The following HERC4 variants were observed in gnomAD, a reference collection of about 807,000 sequenced individuals.
HERC4 encodes the protein probable E3 ubiquitin-protein ligase HERC4.
In HERC4, 28 loss-of-function variants were observed where a neutral mutation model predicts 124.3. That is an observed-to-expected ratio of 0.23 (90% confidence interval 0.17 to 0.31). HERC4 has a LOEUF of 0.31. Ranked by LOEUF, HERC4 falls within the 10% of genes least tolerant of loss-of-function variation. The pLI is 1.00. For missense variants in HERC4, 713 were observed against 1,229.3 expected (o/e 0.58, Z 6.28); for synonymous variants, 407 against 421.5 (o/e 0.97, Z 0.42).
chr10:68,053,918 T>C (rs2040431052), intron 3 of HERC4, among the ~76,000 whole-genome samples: 1 of 152,200 alleles, frequency 6.6e-6, no homozygotes, highest in African/African-American at 2.4e-5. Flanking sequence ...ATATCCACAC[T>C]GAAAAATTTT....
intron 16 of HERC4, 54 bp downstream of exon 16, chr10:67,966,629 T>C: frequency 6.5e-7 from 1 of 1,528,164 alleles, no homozygotes; most frequent in Non-Finnish European, 8.8e-7. Flanking sequence ...TGTTTCTTTT[T>C]TTATTAGATA....
intron 9 of HERC4, among the ~76,000 whole-genome samples, chr10:67,996,729 A>G (rs559807041): frequency 6.6e-6 from 1 of 152,282 alleles, no homozygotes. Flanking sequence ...TCACACTTGT[A>G]ATCTCAGCAC....
At chr10:67,935,483 A>G (rs1291278115) in intron 22 of HERC4, among the ~76,000 whole-genome samples, 14 of 152,160 alleles carry the variant, frequency 9.2e-5, no homozygotes. Context: ...GTTTCCCCAG[A>G]AAAGGATCTT....
chr10:68,010,945 G>A, intron 9 of HERC4: 1 of 1,074,410 alleles, frequency 9.3e-7, no homozygotes, highest in African/African-American at 1.6e-5. Flanking sequence ...TTTAGTTCTA[G>A]TTCTCTTGTT....
At chr10:67,998,479 G>A (rs1353521139) in intron 9 of HERC4, among the ~76,000 whole-genome samples, 5 of 149,744 alleles carry the variant, frequency 3.3e-5, no homozygotes, top group Admixed American at 2.0e-4. Flanking sequence ...TCCAGGAGGC[G>A]GAGGCTGCAG....
At chr10:67,923,241 C>T (rs1385101508) in intron 24 of HERC4, 102 bp from the exon 25 acceptor site, 1 of 832,034 alleles carries the variant, frequency 1.2e-6, no homozygotes, top group East Asian at 2.5e-5. Flanking sequence ...ACTTTAACAT[C>T]TGCTCTAACG....
chr10:68,010,627 G>C, intron 9 of HERC4: 2 of 1,416,062 alleles, frequency 1.4e-6, no homozygotes, highest in Admixed American at 1.9e-5. Context: ...CATATCTCCT[G>C]AATATTTTCA....
intron 3 of HERC4, among the ~76,000 whole-genome samples, chr10:68,054,875 C>G (rs2040475840): frequency 6.6e-6 from 1 of 152,042 alleles, no homozygotes; most frequent in African/African-American, 2.4e-5. Flanking sequence ...TTAAATAAAA[C>G]AAAGTGCAAC....
intron 3 of HERC4, among the ~76,000 whole-genome samples, chr10:68,067,525 C>A (rs1371523535): frequency 6.6e-6 from 1 of 152,162 alleles, no homozygotes; most frequent in Non-Finnish European, 1.5e-5. Flanking sequence ...TTTTAACCCA[C>A]CCTTAAGTGA....
intron 15 of HERC4, among the ~76,000 whole-genome samples, chr10:67,984,233 T>C (rs926095455): frequency 2.0e-5 from 3 of 146,720 alleles, no homozygotes; most frequent in East Asian, 2.0e-4. Context: ...ACCTAAGAGG[T>C]AGAGGCTGCA....
intron 3 of HERC4, among the ~76,000 whole-genome samples, chr10:68,051,472 G>A (rs1334529236): frequency 6.7e-6 from 1 of 150,026 alleles, no homozygotes; most frequent in Non-Finnish European, 1.5e-5. Context: ...AGCCTCCTGA[G>A]TAGCTGGGAC....
intron 4 of HERC4, among the ~76,000 whole-genome samples, chr10:68,041,778 A>G (rs1242748749): frequency 6.6e-6 from 1 of 152,202 alleles, no homozygotes; most frequent in Non-Finnish European, 1.5e-5. Flanking sequence ...TTCTATATTA[A>G]CATCTAGCCA....
intron 3 of HERC4, among the ~76,000 whole-genome samples, chr10:68,057,272 ATG>A (rs2040595931): frequency 6.6e-6 from 1 of 152,186 alleles, no homozygotes; most frequent in African/African-American, 2.4e-5. Flanking sequence ...GTACAGAAGT[ATG>A]ATCAAACCAT....
In HERC4 at chr10:68,032,889, A is replaced by T; in HGVS notation, c.686-20T>A. ...ACCTATCTGAAAATTCCAACAAGAG[A>T]TGTTAATAGTATTTTAAAAATCAAA... On this transcript the variant is annotated intron_variant, in intron 6 of 24. Transcript: ENST00000373700. 8.2e-7 allele frequency: 1 copy of T among 1,219,398 alleles called. No homozygotes were observed. The highest frequency in any genetic ancestry group is 1.2e-6 in the Non-Finnish European group (1 of 820,764). The allele number at this position is 1,219,398 out of a possible 1,614,324, so 75.5% of individuals were successfully genotyped here.
At chr10:68,032,986 T>A in intron 6 of HERC4, 117 bp from the exon 7 acceptor site, 2 of 629,212 alleles carry the variant, frequency 3.2e-6, no homozygotes, top group Middle Eastern at 2.9e-4. Flanking sequence ...ATTTTAACTA[T>A]GATTCGATGA....
At chr10:68,069,632 T>A in intron 3 of HERC4, 1 of 985,028 alleles carries the variant, frequency 1.0e-6, no homozygotes, top group Non-Finnish European at 1.2e-6. Flanking sequence ...TAAGGCTACC[T>A]CTTTCTCCTT....
intron 15 of HERC4, among the ~76,000 whole-genome samples, chr10:67,975,018 G>A (rs892945845): frequency 5.3e-5 from 8 of 152,082 alleles, no homozygotes; most frequent in Admixed American, 1.3e-4. Flanking sequence ...GTGAAACCCC[G>A]TCTCTACTAA....
At position 68,031,371 on chromosome 10, in the gene HERC4, A is replaced by T. The variant is rs1178236022; in HGVS notation, c.777+1407T>A. On this transcript the variant is annotated intron_variant, in intron 7 of 24. Transcript: ENST00000373700. ...TGATAAATTTCTTCCAAATACCAAT[A>T]ACGAAAAAGGACGAGTAAAATTTAA... 2.6e-5 allele frequency among the ~76,000 whole-genome samples: 4 copies of T among 152,310 alleles called. No individual in the cohort carries two copies. In the East Asian group the frequency reaches 5.8e-4, roughly 22 times the overall value.
chr10:68,056,027 C>T (rs1311740720), intron 3 of HERC4, among the ~76,000 whole-genome samples: 2 of 152,042 alleles, frequency 1.3e-5, no homozygotes, highest in East Asian at 1.9e-4. Context: ...GGATTACAAG[C>T]GTAAGCCACC....
Sources: gnomAD v4.1 joint callset for allele counts (sites outside exome capture counted in the v4.1 genomes callset) on GRCh38, gnomAD v4.1.1 for gene constraint, MANE v1.5 for transcripts, NCBI Gene and HGNC (gene_info 2026-07-23, HGNC 2026-07-21) for gene names.